Variants in COMMD10 observed in about 807,000 individuals in gnomAD.
COMMD10 encodes the protein COMM domain containing 10.
Under a neutral mutation model 28.9 loss-of-function variants are expected in COMMD10, and 33 were observed. That is an observed-to-expected ratio of 1.14 (90% CI 0.87 to 1.53). COMMD10 has a LOEUF of 1.53. COMMD10 is among the 40% of genes most tolerant of loss of function. COMMD10 has a pLI of 0.00. For missense variants in COMMD10, 310 were observed against 233.4 expected (o/e 1.33, Z -2.14); for synonymous variants, 110 against 81.7 (o/e 1.35, Z -1.87).
intron 2 of COMMD10, among the ~76,000 whole-genome samples, chr5:116,089,961 C>T (rs774669344): frequency 6.6e-6 from 1 of 152,140 alleles, no homozygotes; most frequent in Non-Finnish European, 1.5e-5. Flanking sequence ...ATCGAGTTGG[C>T]CTTTACCTTG....
intron 3 of COMMD10, 150 bp from the exon 4 acceptor site, chr5:116,092,395 T>G (rs1750326781): frequency 2.1e-6 from 1 of 476,234 alleles, no homozygotes; most frequent in Admixed American, 4.1e-5. Flanking sequence ...GTGTATTTTA[T>G]TATGTGTAAA....
intron 5 of COMMD10, among the ~76,000 whole-genome samples, chr5:116,203,165 T>C (rs1208650240): frequency 6.6e-6 from 1 of 152,090 alleles, no homozygotes; most frequent in Non-Finnish European, 1.5e-5. Flanking sequence ...ATGAATGAAA[T>C]GAAGCGAGAA....
At chr5:116,117,442 G>A (rs1221371600) in intron 4 of COMMD10, among the ~76,000 whole-genome samples, 1 of 152,042 alleles carries the variant, frequency 6.6e-6, no homozygotes, top group Non-Finnish European at 1.5e-5. Flanking sequence ...TTTAACTTTT[G>A]CCTGATTTTA....
intron 5 of COMMD10, among the ~76,000 whole-genome samples, chr5:116,189,468 T>C (rs964562791): frequency 6.6e-6 from 1 of 152,144 alleles, no homozygotes; most frequent in African/African-American, 2.4e-5. Flanking sequence ...TTCCTAACCT[T>C]CTTTAGTGCC....
chr5:116,115,995 G>C (rs930715727), intron 4 of COMMD10, among the ~76,000 whole-genome samples: 5 of 152,124 alleles, frequency 3.3e-5, no homozygotes, highest in African/African-American at 1.2e-4. Flanking sequence ...TGTTTAGAAT[G>C]TGTTTAATGT....
chr5:116,259,209 C>A (rs1453842047), intron 5 of COMMD10, among the ~76,000 whole-genome samples: 3 of 151,232 alleles, frequency 2.0e-5, no homozygotes, highest in Non-Finnish European at 4.4e-5. Flanking sequence ...ATTACAGGTG[C>A]ACGCCACCAT....
chr5:116,209,553 A>G (rs1748905132), intron 5 of COMMD10, among the ~76,000 whole-genome samples: 1 of 152,132 alleles, frequency 6.6e-6, no homozygotes, highest in Non-Finnish European at 1.5e-5. Flanking sequence ...GTATTTGTTT[A>G]TTCATATGGC....
At chr5:116,244,660 C>CAAAAAAAAAAAAAA (rs60360733) in intron 5 of COMMD10, among the ~76,000 whole-genome samples, 8 of 79,472 alleles carry the variant, frequency 1.0e-4, no homozygotes, top group Non-Finnish European at 1.5e-4. Context: ...AAAAAAATTA[C>CAAAAAAAAAAAAAA]AAAAAAAAAA....
intron 5 of COMMD10, among the ~76,000 whole-genome samples, chr5:116,254,727 C>T (rs1466729839): frequency 6.6e-6 from 1 of 151,652 alleles, no homozygotes; most frequent in African/African-American, 2.4e-5. Context: ...AGTATGTGGT[C>T]AGTTTTGGAA....
intron 5 of COMMD10, among the ~76,000 whole-genome samples, chr5:116,270,473 C>T (rs1049115682): frequency 3.3e-5 from 5 of 151,686 alleles, no homozygotes; most frequent in African/African-American, 9.7e-5. Flanking sequence ...CTGAATTTGG[C>T]GTCTGTATTT....
chr5:116,188,296 A>G (rs1748210247), intron 5 of COMMD10, among the ~76,000 whole-genome samples: 1 of 152,156 alleles, frequency 6.6e-6, no homozygotes, highest in Non-Finnish European at 1.5e-5. Context: ...CTACAGGCGG[A>G]ATACACTGGG....
intron 5 of COMMD10, among the ~76,000 whole-genome samples, chr5:116,265,337 C>T (rs1412733999): frequency 2.6e-5 from 4 of 151,496 alleles, no homozygotes; most frequent in Non-Finnish European, 4.4e-5. Context: ...ATGTAAAGGG[C>T]CTCTCAGACA....
chr5:116,115,517 A>T (rs1751204046), intron 4 of COMMD10, among the ~76,000 whole-genome samples: 1 of 152,114 alleles, frequency 6.6e-6, no homozygotes, highest in Admixed American at 6.5e-5. Flanking sequence ...CACTTATTAG[A>T]ATTTGTATTC....
intron 5 of COMMD10, among the ~76,000 whole-genome samples, chr5:116,188,933 A>G (rs1748249417): frequency 1.3e-5 from 2 of 152,142 alleles, no homozygotes; most frequent in South Asian, 2.1e-4. Context: ...CCCAGCCCAT[A>G]TGTTTGTTAT....
intron 5 of COMMD10, among the ~76,000 whole-genome samples, chr5:116,184,834 A>C (rs577205684): frequency 1.4e-4 from 21 of 152,258 alleles, no homozygotes; most frequent in Non-Finnish European, 2.9e-4. Context: ...TAAATTCATG[A>C]ATCTTGGAGG....
At chr5:116,102,802 G>A (rs1750708848) in intron 4 of COMMD10, among the ~76,000 whole-genome samples, 1 of 152,082 alleles carries the variant, frequency 6.6e-6, no homozygotes, top group Admixed American at 6.6e-5. Context: ...TTCTCCTAAT[G>A]CTATCCCTCC....
intron 5 of COMMD10, among the ~76,000 whole-genome samples, chr5:116,150,864 A>G (rs1225791898): frequency 2.8e-4 from 41 of 147,364 alleles, no homozygotes; most frequent in African/African-American, 9.8e-4. Context: ...TCTCCTGCCT[A>G]ATTGCCCTGG....
Position 116,159,747 on chromosome 5 carries a change from A to G in COMMD10, c.510+25569A>G, listed in dbSNP as rs573986585. On this transcript the variant is annotated intron_variant, in intron 5 of 6. Transcript: ENST00000274458. ...TCTAGATCCATAGAGAAGACTCCAC[A>G]GAGGAAAACATCTTTGAATTAGGCC... Among the ~76,000 whole-genome samples the G allele has an allele frequency of 4.7e-3, 722 of 152,328 alleles. 5 individuals are homozygous for G. Among genetic ancestry groups the G allele is most frequent in the African/African-American group, 0.015 (612 of 41,584 alleles).
At chr5:116,270,797 C>CT (rs1295580608) in intron 5 of COMMD10, among the ~76,000 whole-genome samples, 1 of 151,488 alleles carries the variant, frequency 6.6e-6, no homozygotes, top group Non-Finnish European at 1.5e-5. Flanking sequence ...ATTAGTTGGG[C>CT]TTGATGGTGC....
Sources: gnomAD v4.1 joint callset for allele counts (sites outside exome capture counted in the v4.1 genomes callset) on GRCh38, gnomAD v4.1.1 for gene constraint, MANE v1.5 for transcripts, NCBI Gene and HGNC (gene_info 2026-07-23, HGNC 2026-07-21) for gene names.